The following CLVS1 variants were observed in gnomAD, a reference collection of about 807,000 sequenced individuals.
CLVS1 encodes the protein clavesin-1.
In CLVS1, 10 loss-of-function variants were observed where a neutral mutation model predicts 33.1. The ratio of observed to expected loss-of-function variants is 0.30; its 90% CI spans 0.19 to 0.51. The LOEUF (loss-of-function observed/expected upper bound fraction) is 0.51. Ranked by LOEUF, CLVS1 falls within the 20% of genes least tolerant of loss-of-function variation. The probability of loss-of-function intolerance (pLI) is 0.97; values close to 1 mark genes in which losing one functional copy is unlikely to be tolerated. For synonymous variants in CLVS1, 163 were observed against 166.1 expected (o/e 0.98, Z 0.14); for missense variants, 343 against 433.4 (o/e 0.79, Z 1.85).
the CLVS1 span, among the ~76,000 whole-genome samples, chr8:61,045,828 G>T: frequency 6.6e-6 from 1 of 152,128 alleles, no homozygotes; most frequent in Non-Finnish European, 1.5e-5. Flanking sequence ...GGCCACTTTG[G>T]TCTTTTTACG....
chr8:61,250,424 G>C (rs61577049), intron 2 of CLVS1, among the ~76,000 whole-genome samples: 4 of 152,038 alleles, frequency 2.6e-5, no homozygotes, highest in East Asian at 1.9e-4. Context: ...TCCATATGAA[G>C]TTTAAAGTAG....
At chr8:61,028,471 C>T in the CLVS1 span, among the ~76,000 whole-genome samples, 415 of 152,274 alleles carry the variant, frequency 2.7e-3, 4 homozygotes, top group East Asian at 0.027. Flanking sequence ...AAATTAGCCA[C>T]GACAGGACAT....
Position 61,059,499 on chromosome 8 carries a change from T to TATATATATATATATATACACAC in CLVS1, c.-243+2270_-243+2271insTATATATATATATATACACACA, listed in dbSNP as rs1265187479. 3.8e-4 allele frequency among the ~76,000 whole-genome samples: 37 copies of TATATATATATATATATACACAC among 96,344 alleles called. 1 individual carries two copies. Among genetic ancestry groups the TATATATATATATATATACACAC allele is most frequent in the East Asian group, 5.5e-4 (1 of 1,818 alleles). The allele number at this position is 96,344 out of a possible 152,430, so 63.2% of individuals were successfully genotyped here. ...ACATATATATATATATATATATATA[T>TATATATATATATATATACACAC]ACACATATCTTGAAAATAGCACGAG... On this transcript the variant is annotated intron_variant, in intron 1 of 2. Transcript: ENST00000522621.
the CLVS1 span, among the ~76,000 whole-genome samples, chr8:60,991,246 G>C: frequency 6.6e-6 from 1 of 152,144 alleles, no homozygotes; most frequent in African/African-American, 2.4e-5. Flanking sequence ...TGCATGGTAT[G>C]CTACTTTTTG....
At position 61,134,069 on chromosome 8, in the gene CLVS1, G is replaced by A. The variant is rs565122855; in HGVS notation, c.-152+2209G>A. ...TGAGATGTTTATGAGATGTTCAGGT[G>A]GAGATGTCCAGCAGGCAGCTGGGTG... On this transcript the variant is annotated intron_variant, in intron 2 of 2. Coordinates refer to the CLVS1 transcript ENST00000522621. Among the ~76,000 whole-genome samples, 9 of 152,304 alleles carry A rather than the reference G, an allele frequency of 5.9e-5. No individual in the cohort carries two copies. The South Asian group carries it at 1.9e-3, about 32-fold the overall frequency.
chr8:61,235,819 C>T (rs1808544829), intron 2 of CLVS1, among the ~76,000 whole-genome samples: 1 of 152,166 alleles, frequency 6.6e-6, no homozygotes, highest in African/African-American at 2.4e-5. Flanking sequence ...CTTCTTGTTG[C>T]TAGAGATAGA....
intron 5 of CLVS1, among the ~76,000 whole-genome samples, chr8:61,496,465 C>T (rs1804270824): frequency 6.6e-6 from 1 of 152,094 alleles, no homozygotes; most frequent in African/African-American, 2.4e-5. Flanking sequence ...TACACTTCTC[C>T]CTTCCCCACA....
chr8:60,966,767 G>A, the CLVS1 span, among the ~76,000 whole-genome samples: 200 of 152,292 alleles, frequency 1.3e-3, 2 homozygotes, highest in East Asian at 0.027. Flanking sequence ...ATAGCATGGT[G>A]TCATTTTAAT....
the CLVS1 span, among the ~76,000 whole-genome samples, chr8:61,000,387 G>A: frequency 3.9e-5 from 6 of 152,198 alleles, no homozygotes; most frequent in African/African-American, 1.4e-4. Flanking sequence ...AAAGTTGAGA[G>A]GCAAAGGACA....
At chr8:61,008,808 C>T in the CLVS1 span, among the ~76,000 whole-genome samples, 1 of 152,186 alleles carries the variant, frequency 6.6e-6, no homozygotes, top group African/African-American at 2.4e-5. Flanking sequence ...TCCCCAAATG[C>T]TTCCCAGGAA....
the CLVS1 span, among the ~76,000 whole-genome samples, chr8:61,024,852 C>T: frequency 1.9e-4 from 29 of 150,432 alleles, 1 homozygote; most frequent in East Asian, 4.9e-3. Context: ...TCTTTTTTTT[C>T]TTTCTTTTTT....
At chr8:61,328,781 A>C (rs1186450658) in intron 2 of CLVS1, among the ~76,000 whole-genome samples, 1 of 152,102 alleles carries the variant, frequency 6.6e-6, no homozygotes, top group African/African-American at 2.4e-5. Context: ...GGAAGCAAAG[A>C]TTTGTCTTTT....
upstream of CLVS1, among the ~76,000 whole-genome samples, chr8:61,283,236 A>G (rs1387425302): frequency 1.3e-5 from 2 of 152,120 alleles, no homozygotes; most frequent in Non-Finnish European, 2.9e-5. Flanking sequence ...ATGCCACCCT[A>G]TTTGGTTCAC....
intron 2 of CLVS1, among the ~76,000 whole-genome samples, chr8:61,170,405 C>G (rs1413689386): frequency 1.3e-5 from 2 of 152,142 alleles, no homozygotes; most frequent in Non-Finnish European, 2.9e-5. Flanking sequence ...GGCACTCACT[C>G]TGAGTTAAAG....
Position 61,458,557 on chromosome 8 carries a change from A to T in CLVS1, c.977+15A>T. On this transcript the variant is annotated intron_variant, in intron 5 of 5. Transcript: ENST00000325897. Reference sequence around the variant, plus strand: ...CTGATGAAAAGGTAAGGCCTGGGTTATCAGAGCCCCCCCCCCAGTCAGAGG... The same window carrying T: ...CTGATGAAAAGGTAAGGCCTGGGTTTTCAGAGCCCCCCCCCCAGTCAGAGG... 2.0e-6 allele frequency: 3 copies of T among 1,516,812 alleles called. No homozygotes were observed. Among genetic ancestry groups the T allele is most frequent in the Non-Finnish European group, 2.7e-6 (3 of 1,122,792 alleles). 94.0% of individuals were successfully genotyped at this position (1,516,812 alleles called of 1,614,324 possible).
chr8:61,410,211 A>G (rs544913543), intron 3 of CLVS1, among the ~76,000 whole-genome samples: 1 of 151,698 alleles, frequency 6.6e-6, no homozygotes, highest in African/African-American at 2.4e-5. Context: ...TTTGCAGTTT[A>G]TCATACTGTA....
At chr8:61,079,971 T>C (rs1378367592) in intron 1 of CLVS1, among the ~76,000 whole-genome samples, 10 of 152,222 alleles carry the variant, frequency 6.6e-5, no homozygotes, top group Admixed American at 6.5e-4. Flanking sequence ...CTGATTATTA[T>C]TGAAGCTGTG....
At chr8:61,490,072 T>C (rs2129608557) in intron 5 of CLVS1, among the ~76,000 whole-genome samples, 1 of 152,286 alleles carries the variant, frequency 6.6e-6, no homozygotes, top group East Asian at 1.9e-4. Context: ...TCCCAGCACT[T>C]TGGGAGGCCA....
intron 2 of CLVS1, among the ~76,000 whole-genome samples, chr8:61,358,159 GTAATT>G (rs1470625276): frequency 6.6e-6 from 1 of 152,182 alleles, no homozygotes; most frequent in Non-Finnish European, 1.5e-5. Context: ...CTTTCAAACA[GTAATT>G]TAAAGACTTC....
Sources: allele counts gnomAD v4.1 joint callset (sites outside exome capture counted in the v4.1 genomes callset), GRCh38; gene constraint gnomAD v4.1.1; transcripts MANE v1.5; gene names NCBI Gene and HGNC (gene_info 2026-07-23, HGNC 2026-07-21).